ZNF652: variants seen among roughly 807,000 people sequenced by gnomAD.
ZNF652 encodes zinc finger protein 652.
In ZNF652, 16 loss-of-function variants were observed where a neutral mutation model predicts 45.2. That is an observed-to-expected ratio of 0.35 (90% CI 0.24 to 0.54). The LOEUF is 0.54. Among genes scored for constraint, ZNF652 ranks in the 20% least tolerant of loss-of-function variants. ZNF652 has a pLI of 0.91. For synonymous variants in ZNF652, 250 were observed against 260.6 expected (o/e 0.96, Z 0.39); for missense variants, 614 against 765.6 (o/e 0.80, Z 2.34).
intron 1 of ZNF652, among the ~76,000 whole-genome samples, chr17:49,327,775 ATATATTTTTT>A (rs2069979891): frequency 4.1e-4 from 1 of 2,430 alleles, no homozygotes; most frequent in African/African-American, 1.4e-3. Context: ...ATATATATAT[ATATATTTTTT>A]TTTTTTTTTT....
chr17:49,306,120 G>A (rs1041503094), intron 5 of ZNF652, among the ~76,000 whole-genome samples: 1 of 152,214 alleles, frequency 6.6e-6, no homozygotes, highest in Non-Finnish European at 1.5e-5. Context: ...GTGACTGGCA[G>A]AGCCAGGTTT....
At chr17:49,314,138 GTAT>G (rs2069763836) in intron 2 of ZNF652, among the ~76,000 whole-genome samples, 1 of 151,358 alleles carries the variant, frequency 6.6e-6, no homozygotes, top group Non-Finnish European at 1.5e-5. Context: ...TGAACTCTTA[GTAT>G]TACTCTCTCT....
Position 49,317,302 on chromosome 17 carries a change from T to C in ZNF652, c.424A>G (p.Lys142Glu). The part of the protein sequence containing the change: ...KGEKGVSSQS[K>E]ETPVLKTSSE... ...CTTGTCTTAAGAACAGGAGTCTCTT[T>C]GGACTGAGAAGAGACACCCTTTTCC... Residue 142 changes from lysine (K) to glutamate (E), a missense_variant, in exon 2 of 6, where the codon AAA becomes GAA. Around this residue, in one of 5 missense-constraint regions of ZNF652, gnomAD observed 262 missense variants for 306.3 expected, o/e 0.86. Transcript: ENST00000430262. The C allele has an allele frequency of 6.2e-7, 1 of 1,613,154 alleles. No homozygotes were observed. Among genetic ancestry groups the C allele is most frequent in the Non-Finnish European group, 8.5e-7 (1 of 1,180,014 alleles).
intron 1 of ZNF652, among the ~76,000 whole-genome samples, chr17:49,323,045 T>C (rs1352709573): frequency 6.6e-6 from 1 of 152,182 alleles, no homozygotes; most frequent in African/African-American, 2.4e-5. Flanking sequence ...TTTCTTAAAA[T>C]AAGACAACAA....
intron 1 of ZNF652, among the ~76,000 whole-genome samples, chr17:49,335,380 G>A (rs1029741745): frequency 1.2e-4 from 19 of 152,150 alleles, no homozygotes; most frequent in South Asian, 4.1e-4. Context: ...TTTCAGCCAC[G>A]AACTCACGGG....
intron 1 of ZNF652, among the ~76,000 whole-genome samples, chr17:49,331,287 AATTTTTTGT>A (rs1420226899): frequency 6.6e-6 from 1 of 151,618 alleles, no homozygotes; most frequent in Non-Finnish European, 1.5e-5. Flanking sequence ...ACGCCCGGCT[AATTTTTTGT>A]ATTTTTAGTA....
At chr17:49,347,740 G>GTT (rs1181401090) in intron 1 of ZNF652, among the ~76,000 whole-genome samples, 171 of 81,160 alleles carry the variant, frequency 2.1e-3, no homozygotes, top group Non-Finnish European at 2.6e-3. Context: ...CCTTGGTTTT[G>GTT]TTTTTTTTTT....
intron 1 of ZNF652, among the ~76,000 whole-genome samples, chr17:49,353,352 G>A (rs1291849100): frequency 6.6e-6 from 1 of 151,984 alleles, no homozygotes; most frequent in Non-Finnish European, 1.5e-5. Context: ...TTGATTTTTT[G>A]TAGAGAGAGG....
intron 1 of ZNF652, among the ~76,000 whole-genome samples, chr17:49,355,906 A>AT (rs892873285): frequency 1.3e-5 from 2 of 152,194 alleles, no homozygotes. Context: ...TTAAAAAAAA[A>AT]ATAGTATCTA....
intron 1 of ZNF652, among the ~76,000 whole-genome samples, chr17:49,354,736 CTTT>C (rs916912276): frequency 6.6e-6 from 1 of 151,152 alleles, no homozygotes; most frequent in African/African-American, 2.4e-5. Context: ...TTTTCTTTTT[CTTT>C]TTTTTGAGAT....
At chr17:49,311,867 T>C (rs1423252495) in intron 4 of ZNF652, 60 bp downstream of exon 4, 2 of 1,400,044 alleles carry the variant, frequency 1.4e-6, no homozygotes, top group Middle Eastern at 1.8e-4. Context: ...CTCTCACTGG[T>C]CCGCCATCTA....
intron 1 of ZNF652, among the ~76,000 whole-genome samples, chr17:49,360,256 A>T (rs577673403): frequency 2.3e-3 from 352 of 150,664 alleles, no homozygotes; most frequent in African/African-American, 5.9e-3. Context: ...AATCCTTTTT[A>T]AAAAAAAACT....
intron 1 of ZNF652, among the ~76,000 whole-genome samples, chr17:49,352,905 T>C (rs1046868635): frequency 1.1e-4 from 17 of 152,280 alleles, no homozygotes; most frequent in South Asian, 8.3e-4. Context: ...TATGAGTCCA[T>C]GTCACATTCT....
chr17:49,338,056 T>C (rs2070104789), intron 1 of ZNF652, among the ~76,000 whole-genome samples: 1 of 151,984 alleles, frequency 6.6e-6, no homozygotes, highest in Non-Finnish European at 1.5e-5. Context: ...GGCGCGATCA[T>C]GACTCACTTC....
intron 1 of ZNF652, among the ~76,000 whole-genome samples, chr17:49,341,191 C>G (rs1567696322): frequency 6.6e-6 from 1 of 151,852 alleles, no homozygotes; most frequent in Non-Finnish European, 1.5e-5. Context: ...GTACTCTAGA[C>G]TGGGTGACAG....
intron 1 of ZNF652, among the ~76,000 whole-genome samples, chr17:49,344,043 C>CA (rs1037221598): frequency 6.6e-6 from 1 of 151,668 alleles, no homozygotes; most frequent in Non-Finnish European, 1.5e-5. Flanking sequence ...CTAAAAAATA[C>CA]AAAAAAAATT....
At chr17:49,319,610 C>T (rs575627619) in intron 1 of ZNF652, among the ~76,000 whole-genome samples, 78 of 123,106 alleles carry the variant, frequency 6.3e-4, no homozygotes, top group African/African-American at 2.3e-3. Context: ...TCCAGCCTGG[C>T]GACAGAGCTA....
chr17:49,316,460 T>C (rs937197918), intron 2 of ZNF652, among the ~76,000 whole-genome samples: 5 of 152,210 alleles, frequency 3.3e-5, no homozygotes, highest in Non-Finnish European at 7.3e-5. Flanking sequence ...GACCTTTCTC[T>C]ACTCCTAACC....
intron 1 of ZNF652, among the ~76,000 whole-genome samples, 186 bp downstream of exon 1, chr17:49,361,723 G>A (rs1219360006): frequency 2.6e-5 from 4 of 152,104 alleles, no homozygotes; most frequent in Non-Finnish European, 5.9e-5. Context: ...GGTGCCTGAG[G>A]AGCTCAGCGC....
Sources: gnomAD v4.1 joint callset for allele counts (sites outside exome capture counted in the v4.1 genomes callset) on GRCh38, gnomAD v4.1.1 for gene constraint, gnomAD v4.1.1 regional missense constraint, MANE v1.5 for transcripts, NCBI Gene and HGNC (gene_info 2026-07-23, HGNC 2026-07-21) for gene names.